Variants in CADM2 observed in about 807,000 individuals in gnomAD.
The protein encoded by CADM2 is immunoglobulin superfamily member 4D.
In CADM2, 12 loss-of-function variants were observed where a neutral mutation model predicts 49.8. The observed-to-expected ratio is 0.24, with a 90% CI of 0.15 to 0.39. The LOEUF (loss-of-function observed/expected upper bound fraction) is 0.39. CADM2 is among the 10% of genes least tolerant of loss of function. The pLI, the probability that CADM2 is intolerant of heterozygous loss-of-function variation, is 1.00. For synonymous variants in CADM2, 214 were observed against 175.4 expected (o/e 1.22, Z -1.74); for missense variants, 378 against 492.3 (o/e 0.77, Z 2.20).
At chr3:86,016,648 G>C (rs748885546) in intron 8 of CADM2, among the ~76,000 whole-genome samples, 1 of 152,152 alleles carries the variant, frequency 6.6e-6, no homozygotes, top group Non-Finnish European at 1.5e-5. Flanking sequence ...GAAAACTTAA[G>C]TTGACCCTTT....
intron 3 of CADM2, among the ~76,000 whole-genome samples, chr3:85,876,931 A>G (rs1472630822): frequency 6.6e-6 from 1 of 152,158 alleles, no homozygotes; most frequent in Non-Finnish European, 1.5e-5. Context: ...TATTTTATTC[A>G]GCATGAATCC....
At chr3:85,866,260 A>G (rs929653249) in intron 3 of CADM2, among the ~76,000 whole-genome samples, 1 of 152,204 alleles carries the variant, frequency 6.6e-6, no homozygotes, top group Non-Finnish European at 1.5e-5. Flanking sequence ...AGATCAGCAT[A>G]TATTTGTGCA....
chr3:86,067,132 T>A lies in CADM2; in HGVS notation c.*349T>A. On this transcript the variant is annotated 3_prime_UTR_variant, in exon 10 of 10. Coordinates refer to ENST00000383699, the MANE Select transcript of CADM2 (RefSeq NM_001167675.2). ...TGTATGCAGAGTTTTTTTCCCCCAT[T>A]TTTTCCCCTTTAAGTCATAGACCTT... is the stretch of plus-strand genomic sequence containing the variant. The A allele has an allele frequency of 5.3e-6, 1 of 187,742 alleles. No homozygotes were observed. The highest frequency in any genetic ancestry group is 1.1e-5 in the Non-Finnish European group (1 of 89,538). 11.6% of individuals were successfully genotyped at this position (187,742 alleles called of 1,614,324 possible).
At chr3:85,452,966 C>T (rs1215794584) in intron 1 of CADM2, among the ~76,000 whole-genome samples, 3 of 152,134 alleles carry the variant, frequency 2.0e-5, no homozygotes, top group African/African-American at 7.2e-5. Context: ...AATATACACA[C>T]ACACACTTAA....
intron 1 of CADM2, among the ~76,000 whole-genome samples, chr3:85,685,791 AT>A (rs1232296037): frequency 6.7e-6 from 1 of 148,642 alleles, no homozygotes; most frequent in South Asian, 2.1e-4. Context: ...CGCCTGGCTA[AT>A]TTTTGTATTT....
chr3:85,787,392 A>T (rs73845669), intron 2 of CADM2, among the ~76,000 whole-genome samples: 8,219 of 152,130 alleles, frequency 0.054, 636 homozygotes, highest in African/African-American at 0.17. Context: ...GAGGTACTTG[A>T]TTGTAAACAC....
intron 1 of CADM2, among the ~76,000 whole-genome samples, chr3:84,987,502 C>T (rs73137676): frequency 1.4e-3 from 220 of 152,164 alleles, no homozygotes; most frequent in Non-Finnish European, 2.4e-3. Flanking sequence ...TGAACATAGT[C>T]CTCTTCCTGT....
intron 1 of CADM2, among the ~76,000 whole-genome samples, chr3:85,354,618 C>CAGAGAGAGAGAGAG (rs139421347): frequency 0.024 from 3,077 of 130,196 alleles, 167 homozygotes; most frequent in East Asian, 0.087. Flanking sequence ...GAATACCTAA[C>CAGAGAGAGAGAGAG]AGAGAGAGAG....
chr3:85,739,170 C>A (rs2068274073), intron 2 of CADM2, among the ~76,000 whole-genome samples: 1 of 151,962 alleles, frequency 6.6e-6, no homozygotes, highest in Non-Finnish European at 1.5e-5. Flanking sequence ...TTTATATATT[C>A]TATTATTAAA....
At chr3:85,530,174 G>C (rs2061266388) in intron 1 of CADM2, among the ~76,000 whole-genome samples, 1 of 152,018 alleles carries the variant, frequency 6.6e-6, no homozygotes, top group African/African-American at 2.4e-5. Flanking sequence ...GTGTCTGACA[G>C]TTCCTTTTTC....
chr3:86,008,690 A>T (rs1196156315), intron 8 of CADM2, among the ~76,000 whole-genome samples: 1 of 152,052 alleles, frequency 6.6e-6, no homozygotes, highest in Non-Finnish European at 1.5e-5. Context: ...AGGCAAAATG[A>T]ACTATTGAAT....
At chr3:85,071,409 A>G (rs2036738615) in intron 1 of CADM2, among the ~76,000 whole-genome samples, 1 of 151,976 alleles carries the variant, frequency 6.6e-6, no homozygotes, top group Admixed American at 6.6e-5. Flanking sequence ...GTTTAACTAA[A>G]TTCCTTTTAC....
At chr3:85,521,648 C>A (rs990798480) in intron 1 of CADM2, among the ~76,000 whole-genome samples, 4 of 152,228 alleles carry the variant, frequency 2.6e-5, no homozygotes, top group Middle Eastern at 3.4e-3. Context: ...ATTTAAGACA[C>A]AATGGGCATT....
At chr3:86,043,091 G>C (rs1212390920) in intron 8 of CADM2, among the ~76,000 whole-genome samples, 2 of 152,060 alleles carry the variant, frequency 1.3e-5, no homozygotes, top group East Asian at 1.9e-4. Context: ...AAAATAATAA[G>C]AGCTATCTAT....
At chr3:85,915,480 G>T (rs529672894) in intron 6 of CADM2, among the ~76,000 whole-genome samples, 4 of 152,108 alleles carry the variant, frequency 2.6e-5, no homozygotes, top group Non-Finnish European at 4.4e-5. Flanking sequence ...GAGATTAAAT[G>T]AGTAGAGGAT....
intron 1 of CADM2, among the ~76,000 whole-genome samples, chr3:85,582,857 ATCTCTGCT>A (rs2107303666): frequency 6.6e-6 from 1 of 152,248 alleles, no homozygotes; most frequent in East Asian, 1.9e-4. Context: ...GGTGAGTAGA[ATCTCTGCT>A]TCACCACATC....
At chr3:85,944,992 G>T (rs1183430248) in intron 7 of CADM2, among the ~76,000 whole-genome samples, 1 of 151,954 alleles carries the variant, frequency 6.6e-6, no homozygotes, top group African/African-American at 2.4e-5. Context: ...TCCAGGAGCT[G>T]GTTTTTTCAA....
intron 3 of CADM2, among the ~76,000 whole-genome samples, chr3:85,860,721 A>G (rs542171765): frequency 1.3e-5 from 2 of 152,286 alleles, no homozygotes; most frequent in East Asian, 1.9e-4. Context: ...TCCAAAAGTC[A>G]TCCTTTCCTT....
At chr3:85,950,047 A>G (rs2108583730) in intron 7 of CADM2, among the ~76,000 whole-genome samples, 1 of 151,298 alleles carries the variant, frequency 6.6e-6, no homozygotes, top group South Asian at 2.1e-4. Flanking sequence ...TCATTATGAA[A>G]ACACGAAAAT....
Sources: allele counts gnomAD v4.1 joint callset (sites outside exome capture counted in the v4.1 genomes callset), GRCh38; gene constraint gnomAD v4.1.1; transcripts MANE v1.5; gene names NCBI Gene and HGNC (gene_info 2026-07-23, HGNC 2026-07-21).